ADAM2: variants seen among roughly 807,000 people sequenced by gnomAD.
ADAM2 encodes the protein disintegrin and metalloproteinase domain-containing protein 2.
Under a neutral mutation model 99.3 loss-of-function variants are expected in ADAM2, and 101 were observed. That is an observed-to-expected ratio of 1.02 (90% confidence interval 0.87 to 1.20). ADAM2 has a LOEUF of 1.20. Among genes scored for constraint, ADAM2 ranks in the 50% most tolerant of loss-of-function variants. ADAM2 has a pLI of 0.00. For synonymous variants in ADAM2, 323 were observed against 287.6 expected (o/e 1.12, Z -1.25); for missense variants, 948 against 878.7 (o/e 1.08, Z -1.00).
intron 3 of ADAM2, among the ~76,000 whole-genome samples, chr8:39,827,928 C>A (rs1447882209): frequency 2.0e-5 from 3 of 151,958 alleles, no homozygotes; most frequent in Admixed American, 6.6e-5. Context: ...TTAGCTTAGT[C>A]ATTTCACAAT....
intron 10 of ADAM2, among the ~76,000 whole-genome samples, chr8:39,777,903 A>G (rs1330264814): frequency 1.3e-5 from 2 of 151,214 alleles, no homozygotes; most frequent in African/African-American, 4.8e-5. Flanking sequence ...TTATAAACTC[A>G]TAAGTTAACT....
intron 6 of ADAM2, among the ~76,000 whole-genome samples, chr8:39,817,738 A>G (rs912382141): frequency 2.0e-5 from 3 of 152,080 alleles, no homozygotes; most frequent in Non-Finnish European, 4.4e-5. Context: ...CACACAAAAA[A>G]GAAAATATTT....
intron 6 of ADAM2, among the ~76,000 whole-genome samples, chr8:39,811,745 T>C (rs1196103305): frequency 6.6e-6 from 1 of 152,134 alleles, no homozygotes; most frequent in Non-Finnish European, 1.5e-5. Flanking sequence ...GGCTAAAAAC[T>C]CTCAATAAAC....
At chr8:39,808,547 C>T (rs1804547779) in intron 7 of ADAM2, among the ~76,000 whole-genome samples, 2 of 152,086 alleles carry the variant, frequency 1.3e-5, no homozygotes, top group South Asian at 4.1e-4. Context: ...TATAATCATC[C>T]TTTTTGCAGA....
rs1014578269 is a variant in ADAM2 at position 39,749,359 on chromosome 8, A to G, written c.1967T>C (p.Ile656Thr). The G allele has an allele frequency of 4.3e-6, 7 of 1,613,404 alleles. No homozygotes were observed. The highest frequency in any genetic ancestry group is 2.2e-5 in the East Asian group (1 of 44,858). Residue 656 changes from isoleucine (I) to threonine (T), a missense_variant, in exon 18 of 21, where the codon ATT becomes ACT. By Grantham distance (89) the Ile-to-Thr change is moderately conservative (BLOSUM62 -1). Coordinates refer to ENST00000265708, the MANE Select transcript of ADAM2 (RefSeq NM_001464.5). ...VQSDLWPGGS[I>T]DSGNFPPVAI... ...TACAGGTGGAAAATTGCCACTGTCA[A>G]TACTCCCACCAGGCCATAGATCTGA...
intron 9 of ADAM2, among the ~76,000 whole-genome samples, chr8:39,787,436 A>G (rs991319322): frequency 3.0e-4 from 46 of 151,688 alleles, no homozygotes; most frequent in South Asian, 2.1e-3. Context: ...TTATTCAGAC[A>G]AAATTAGCCT....
chr8:39,746,119 A>G (rs1823437112), intron 19 of ADAM2, among the ~76,000 whole-genome samples: 1 of 152,012 alleles, frequency 6.6e-6, no homozygotes, highest in Non-Finnish European at 1.5e-5. Flanking sequence ...TCTGCCTCCC[A>G]GGCTCAAGTG....
Position 39,760,180 on chromosome 8 carries a change from T to C in ADAM2, c.1613+996A>G, listed in dbSNP as rs530636650. Among the ~76,000 whole-genome samples the C allele has an allele frequency of 5.9e-5, 9 of 152,270 alleles. No homozygotes were observed. The East Asian group carries it at 1.7e-3, about 29-fold the overall frequency. ...CCCCGCCCGGTCTTCTAGTTCTAATTTACAAAATAATAGTAACAGATAATA... is the reference window on the plus strand; with the variant it reads ...CCCCGCCCGGTCTTCTAGTTCTAATCTACAAAATAATAGTAACAGATAATA... On this transcript the variant is annotated intron_variant, in intron 15 of 20. Transcript: ENST00000265708.
intron 15 of ADAM2, among the ~76,000 whole-genome samples, chr8:39,758,234 GA>G (rs916681130): frequency 9.5e-4 from 141 of 147,888 alleles, no homozygotes; most frequent in African/African-American, 3.2e-3. Flanking sequence ...GTAATGAGAA[GA>G]AAAAAAAAGA....
Position 39,788,651 on chromosome 8 carries a change from T to C in ADAM2, c.642+18A>G. On this transcript the variant is annotated intron_variant, in intron 8 of 20. Transcript: ENST00000265708. ...AGTAACACAAGAAGTGCAAAAGTAC[T>C]AAGAAGCAAAGACTTACAGCATTCG... The C allele has an allele frequency of 6.5e-7, 1 of 1,545,666 alleles. No homozygotes were observed. The highest frequency in any genetic ancestry group is 8.8e-7 in the Non-Finnish European group (1 of 1,136,604).
Position 39,746,624 on chromosome 8 carries a change from G to T in ADAM2, c.2022C>A (p.Arg674=). Residue 674 remains arginine, a synonymous_variant, in exon 19 of 21, where the codon CGC becomes CGA. Transcript: ENST00000265708. ...VAIPARLPER[R]YIENIYHSKP... ...TGGAATGGTAAATGTTCTCAATGTAGCGCCTTTCTAGAAGAAAAAAAAATC... is the reference window on the plus strand; with the variant it reads ...TGGAATGGTAAATGTTCTCAATGTATCGCCTTTCTAGAAGAAAAAAAAATC... 6.3e-7 allele frequency: 1 copy of T among 1,578,902 alleles called. No individual in the cohort carries two copies. Among genetic ancestry groups the T allele is most frequent in the South Asian group, 1.2e-5 (1 of 83,222 alleles).
At chr8:39,755,111 T>C (rs1414857666) in intron 16 of ADAM2, among the ~76,000 whole-genome samples, 2 of 152,214 alleles carry the variant, frequency 1.3e-5, no homozygotes, top group Admixed American at 1.3e-4. Flanking sequence ...AAAATGATTA[T>C]ATCAAAAGAT....
At chr8:39,771,414 A>G (rs1802775254) in intron 11 of ADAM2, among the ~76,000 whole-genome samples, 1 of 152,202 alleles carries the variant, frequency 6.6e-6, no homozygotes, top group Non-Finnish European at 1.5e-5. Flanking sequence ...GTTCTTTTAA[A>G]GGAGTGCACT....
intron 7 of ADAM2, among the ~76,000 whole-genome samples, chr8:39,792,206 G>A (rs1803744967): frequency 6.6e-6 from 1 of 151,234 alleles, no homozygotes; most frequent in Non-Finnish European, 1.5e-5. Context: ...CAAAATGTAT[G>A]TTCCTGGAAG....
rs1173237498 is a variant in ADAM2, at chr8:39,755,431, T to G, written c.1797+297A>C. Among the ~76,000 whole-genome samples, 3 of 152,222 alleles carry G rather than the reference T, an allele frequency of 2.0e-5. No homozygotes were observed. In the East Asian group the frequency reaches 5.8e-4, roughly 29 times the overall value. Reference sequence around the variant, plus strand: ...GGCTCACGCCTGTAATCCCAGCACTTCAGGAGGCTGAGGTGGGTGGATCAC... The same window carrying G: ...GGCTCACGCCTGTAATCCCAGCACTGCAGGAGGCTGAGGTGGGTGGATCAC... On this transcript the variant is annotated intron_variant, in intron 16 of 20. Transcript: ENST00000265708.
At chr8:39,775,960 T>C (rs910498403) in intron 11 of ADAM2, among the ~76,000 whole-genome samples, 1 of 152,082 alleles carries the variant, frequency 6.6e-6, no homozygotes, top group African/African-American at 2.4e-5. Flanking sequence ...CAATAGCCCA[T>C]TGGAAGCTAT....
At position 39,777,178 on chromosome 8, in the gene ADAM2, G is replaced by C; in HGVS notation, c.892-17C>G. Reference sequence around the variant, plus strand: ...TCTGGGGTGCTGAGAAAAAAAAATAGATGTACACGTTTTGGGAGATTATTT... The same window carrying C: ...TCTGGGGTGCTGAGAAAAAAAAATACATGTACACGTTTTGGGAGATTATTT... On this transcript the variant is annotated splice_polypyrimidine_tract_variant and intron_variant, in intron 10 of 20. Transcript: ENST00000265708. The C allele has an allele frequency of 1.3e-6, 2 of 1,589,040 alleles. No homozygotes were observed. Among genetic ancestry groups the C allele is most frequent in the Non-Finnish European group, 1.7e-6 (2 of 1,168,252 alleles).
intron 15 of ADAM2, 93 bp from the exon 16 acceptor site, chr8:39,756,004 C>G (rs1802138406): frequency 2.9e-6 from 2 of 699,884 alleles, no homozygotes; most frequent in Non-Finnish European, 4.4e-6. Flanking sequence ...ATAAAGTATT[C>G]AAGGTTTGCA....
chr8:39,826,994 A>G (rs1219373991), intron 3 of ADAM2, among the ~76,000 whole-genome samples: 1 of 152,138 alleles, frequency 6.6e-6, no homozygotes, highest in African/African-American at 2.4e-5. Context: ...TTTGCCAACT[A>G]TACATCTAAT....
Sources: gnomAD v4.1 joint callset for allele counts (sites outside exome capture counted in the v4.1 genomes callset) on GRCh38, gnomAD v4.1.1 for gene constraint, MANE v1.5 for transcripts, NCBI Gene and HGNC (gene_info 2026-07-23, HGNC 2026-07-21) for gene names.